NAALADL2: variants seen among roughly 807,000 people sequenced by gnomAD.
NAALADL2 encodes the protein N-acetylated alpha-linked acidic dipeptidase like 2, also known as inactive N-acetylated-alpha-linked acidic dipeptidase-like protein 2.
NAALADL2 carries 76 observed loss-of-function variants against 87.2 expected under a neutral mutation model. That is an observed-to-expected ratio of 0.87 (90% CI 0.72 to 1.05). The LOEUF (loss-of-function observed/expected upper bound fraction) is 1.05, where lower values mean the gene tolerates loss of function less well. Among genes scored for constraint, NAALADL2 ranks in the 50% least tolerant of loss-of-function variants. NAALADL2 has a pLI of 0.00. For synonymous variants in NAALADL2, 354 were observed against 331.0 expected (o/e 1.07, Z -0.75); for missense variants, 1,089 against 945.8 (o/e 1.15, Z -1.99).
At chr3:175,036,168 G>A (rs1753380569) in intron 1 of NAALADL2, among the ~76,000 whole-genome samples, 1 of 151,956 alleles carries the variant, frequency 6.6e-6, no homozygotes, top group Non-Finnish European at 1.5e-5. Flanking sequence ...TTATCTTTCA[G>A]CATTTTGCTT....
intron 1 of NAALADL2, among the ~76,000 whole-genome samples, chr3:175,079,975 T>C (rs1243854064): frequency 6.6e-6 from 1 of 152,026 alleles, no homozygotes; most frequent in Non-Finnish European, 1.5e-5. Flanking sequence ...ATAGACTTTT[T>C]TTTTTTTTGA....
At chr3:174,877,267 A>T (rs955749261) in intron 1 of NAALADL2, among the ~76,000 whole-genome samples, 1 of 152,116 alleles carries the variant, frequency 6.6e-6, no homozygotes, top group East Asian at 1.9e-4. Flanking sequence ...GTAGATATCT[A>T]TGCACCAAAC....
At chr3:175,679,812 AT>A (rs1436505804) in intron 11 of NAALADL2, among the ~76,000 whole-genome samples, 3 of 152,166 alleles carry the variant, frequency 2.0e-5, no homozygotes, top group Admixed American at 6.6e-5. Flanking sequence ...TATGTCATGC[AT>A]TTCAGAGACT....
At chr3:175,610,365 T>C (rs1250651865) in intron 10 of NAALADL2, among the ~76,000 whole-genome samples, 1 of 152,148 alleles carries the variant, frequency 6.6e-6, no homozygotes, top group African/African-American at 2.4e-5. Context: ...TGTTTTTTTT[T>C]ACATGTTCAA....
chr3:175,245,311 A>G (rs974326855), intron 3 of NAALADL2, among the ~76,000 whole-genome samples: 7 of 152,178 alleles, frequency 4.6e-5, no homozygotes, highest in African/African-American at 1.4e-4. Context: ...CTTTCTGACA[A>G]TCTACAATTT....
chr3:174,737,774 G>T (rs1682756192), intron 3 of NAALADL2: 2 of 152,162 alleles, frequency 1.3e-5, no homozygotes, highest in Admixed American at 1.3e-4. Context: ...TAATTAGATT[G>T]TAGGACTTTC....
At chr3:175,659,998 T>A (rs1014634398) in intron 11 of NAALADL2, among the ~76,000 whole-genome samples, 5 of 152,212 alleles carry the variant, frequency 3.3e-5, no homozygotes, top group African/African-American at 9.6e-5. Context: ...AAGTCCAAGA[T>A]TAAGGCATCA....
At chr3:174,832,087 G>A (rs1722778664) in intron 3 of NAALADL2, among the ~76,000 whole-genome samples, 1 of 152,022 alleles carries the variant, frequency 6.6e-6, no homozygotes, top group African/African-American at 2.4e-5. Context: ...TTTTTGAAGG[G>A]TTTTTTGTGT....
chr3:174,795,338 T>C (rs1717962509), intron 3 of NAALADL2, among the ~76,000 whole-genome samples: 3 of 152,114 alleles, frequency 2.0e-5, no homozygotes, highest in African/African-American at 7.2e-5. Context: ...AAATATAGTA[T>C]AATGGTGTGG....
At chr3:175,591,228 T>C (rs962764424) in intron 10 of NAALADL2, among the ~76,000 whole-genome samples, 7 of 152,176 alleles carry the variant, frequency 4.6e-5, no homozygotes, top group Non-Finnish European at 7.4e-5. Flanking sequence ...TTATTGATTT[T>C]CCTGTGTTTT....
chr3:175,753,183 T>C (rs980988604), intron 12 of NAALADL2, among the ~76,000 whole-genome samples: 26 of 152,302 alleles, frequency 1.7e-4, no homozygotes, highest in Admixed American at 1.0e-3. Flanking sequence ...TTATTCTTAC[T>C]GTTAATTTCA....
chr3:175,223,132 G>GTGTGTGTGTGTGT (rs201540607), intron 2 of NAALADL2, among the ~76,000 whole-genome samples: 1 of 145,174 alleles, frequency 6.9e-6, no homozygotes, highest in Non-Finnish European at 1.5e-5. Flanking sequence ...GTGTGTGTGT[G>GTGTGTGTGTGTGT]GTAAGGACAC....
chr3:175,672,780 G>A (rs1372975412), intron 11 of NAALADL2, among the ~76,000 whole-genome samples: 3 of 152,094 alleles, frequency 2.0e-5, no homozygotes, highest in African/African-American at 7.2e-5. Context: ...GACTGTATTG[G>A]CATTATTAGT....
intron 6 of NAALADL2, among the ~76,000 whole-genome samples, chr3:175,449,675 G>A (rs2149230816): frequency 6.6e-6 from 1 of 152,232 alleles, no homozygotes; most frequent in African/African-American, 2.4e-5. Flanking sequence ...TTACAGGCAT[G>A]AGCCACCACG....
chr3:175,022,941 C>T (rs780457074), intron 1 of NAALADL2, among the ~76,000 whole-genome samples: 2 of 152,000 alleles, frequency 1.3e-5, no homozygotes, highest in African/African-American at 2.4e-5. Context: ...TCCGGAAGAG[C>T]CCTGTAGTTT....
At chr3:174,643,254 G>GAT in intron 2 of NAALADL2, among the ~76,000 whole-genome samples, 1 of 152,148 alleles carries the variant, frequency 6.6e-6, no homozygotes, top group Non-Finnish European at 1.5e-5. Flanking sequence ...GGATATTGGT[G>GAT]AAGGGACAAT....
intron 3 of NAALADL2, among the ~76,000 whole-genome samples, chr3:174,787,575 T>TCATATATATATATATATATATATA (rs1476464065): frequency 0.036 from 465 of 12,918 alleles, 30 homozygotes; most frequent in Non-Finnish European, 0.055. Flanking sequence ...CAATATATCA[T>TCATATATATATATATATATATATA]CATATATATA....
At chr3:174,627,642 TG>T (rs1375849806) in intron 2 of NAALADL2, among the ~76,000 whole-genome samples, 2 of 152,238 alleles carry the variant, frequency 1.3e-5, no homozygotes, top group Non-Finnish European at 2.9e-5. Flanking sequence ...TGCACGTGTA[TG>T]TTTTTTGTAC....
intron 6 of NAALADL2, among the ~76,000 whole-genome samples, chr3:175,454,905 A>G (rs1418003691): frequency 2.0e-5 from 3 of 152,110 alleles, no homozygotes; most frequent in African/African-American, 7.2e-5. Flanking sequence ...AAAAGAATAC[A>G]CTAAAAAATG....
Sources: gnomAD v4.1 joint callset for allele counts (sites outside exome capture counted in the v4.1 genomes callset) on GRCh38, gnomAD v4.1.1 for gene constraint, MANE v1.5 for transcripts, NCBI Gene and HGNC (gene_info 2026-07-23, HGNC 2026-07-21) for gene names.